SYT1: variants seen among roughly 807,000 people sequenced by gnomAD.
The protein encoded by SYT1 is synaptotagmin-1.
A neutral mutation model predicts 44.8 loss-of-function variants in SYT1; 8 were observed. The observed-to-expected ratio is 0.18, with a 90% CI of 0.10 to 0.32. The LOEUF (loss-of-function observed/expected upper bound fraction) is 0.32. Among genes scored for constraint, SYT1 ranks in the 10% least tolerant of loss-of-function variants. The pLI, the probability that SYT1 is intolerant of heterozygous loss-of-function variation, is 1.00. For missense variants in SYT1, 286 were observed against 509.3 expected (o/e 0.56, Z 4.22); for synonymous variants, 154 against 188.8 (o/e 0.82, Z 1.51).
intron 3 of SYT1, among the ~76,000 whole-genome samples, chr12:79,196,162 T>G (rs1873441527): frequency 1.4e-5 from 1 of 70,206 alleles, no homozygotes; most frequent in Non-Finnish European, 2.9e-5. Context: ...TTGTTGTTGT[T>G]GTTGTTGTTG....
At chr12:79,388,485 A>G (rs747557901) in intron 9 of SYT1, among the ~76,000 whole-genome samples, 6 of 152,106 alleles carry the variant, frequency 3.9e-5, no homozygotes, top group Non-Finnish European at 8.8e-5. Flanking sequence ...ACCTGAGTCC[A>G]GGAGTTCAAG....
chr12:79,037,826 C>G (rs948662842), intron 2 of SYT1, among the ~76,000 whole-genome samples: 3 of 151,710 alleles, frequency 2.0e-5, no homozygotes, highest in Middle Eastern at 3.2e-3. Flanking sequence ...CTTTCACTAC[C>G]TAATACTCTT....
At chr12:79,244,919 A>C (rs926662442) in intron 4 of SYT1, among the ~76,000 whole-genome samples, 4 of 152,102 alleles carry the variant, frequency 2.6e-5, no homozygotes, top group African/African-American at 7.2e-5. Context: ...AAGTTACTCA[A>C]AAACTTCATC....
intron 1 of SYT1, among the ~76,000 whole-genome samples, chr12:78,879,431 G>A (rs1874340733): frequency 6.6e-6 from 1 of 151,636 alleles, no homozygotes; most frequent in Admixed American, 6.6e-5. Context: ...CTACATGGCA[G>A]ATCTATTTAG....
At chr12:78,906,572 G>A (rs1159336875) in intron 1 of SYT1, among the ~76,000 whole-genome samples, 1 of 152,116 alleles carries the variant, frequency 6.6e-6, no homozygotes, top group Non-Finnish European at 1.5e-5. Context: ...AGTTGTCTGT[G>A]GGCCACAAAT....
chr12:79,287,801 G>A (rs1275723910), intron 5 of SYT1, among the ~76,000 whole-genome samples: 3 of 152,030 alleles, frequency 2.0e-5, no homozygotes, highest in Non-Finnish European at 4.4e-5. Flanking sequence ...CAAATATAGA[G>A]AATTAATGGG....
intron 4 of SYT1, among the ~76,000 whole-genome samples, chr12:79,236,792 A>C (rs1370606718): frequency 6.6e-6 from 1 of 152,254 alleles, no homozygotes; most frequent in Non-Finnish European, 1.5e-5. Context: ...TAAGAGAAAT[A>C]GAATATGCAT....
chr12:78,994,288 A>C (rs1057381001), intron 2 of SYT1, among the ~76,000 whole-genome samples: 10 of 152,176 alleles, frequency 6.6e-5, no homozygotes, highest in Admixed American at 2.0e-4. Flanking sequence ...ACCAACCACG[A>C]TAAATAAAAC....
intron 1 of SYT1, among the ~76,000 whole-genome samples, chr12:78,890,200 T>C (rs1874973387): frequency 6.6e-6 from 1 of 151,930 alleles, no homozygotes; most frequent in Non-Finnish European, 1.5e-5. Flanking sequence ...ACTTTTTCTA[T>C]CCAAAAAAGT....
intron 3 of SYT1, among the ~76,000 whole-genome samples, chr12:79,090,337 G>A: frequency 6.6e-6 from 1 of 151,862 alleles, no homozygotes; most frequent in Non-Finnish European, 1.5e-5. Flanking sequence ...TTTTTCTCCA[G>A]TCCCACTTAA....
chr12:79,403,204 G>C (rs1885129906), intron 9 of SYT1, among the ~76,000 whole-genome samples: 1 of 152,158 alleles, frequency 6.6e-6, no homozygotes, highest in Non-Finnish European at 1.5e-5. Context: ...ATGGGAATAA[G>C]ACCTTCTATT....
At chr12:79,094,490 A>G (rs1877990618) in intron 3 of SYT1, among the ~76,000 whole-genome samples, 1 of 151,910 alleles carries the variant, frequency 6.6e-6, no homozygotes, top group African/African-American at 2.4e-5. Flanking sequence ...GCACACATGT[A>G]TAAACATATA....
chr12:79,112,780 T>A (rs1439179447), intron 3 of SYT1, among the ~76,000 whole-genome samples: 2 of 152,108 alleles, frequency 1.3e-5, no homozygotes, highest in African/African-American at 4.8e-5. Flanking sequence ...AGATTGCAAC[T>A]CAGTATGGTT....
chr12:79,324,708 C>A (rs1235214120), intron 8 of SYT1, among the ~76,000 whole-genome samples: 1 of 151,942 alleles, frequency 6.6e-6, no homozygotes, highest in African/African-American at 2.4e-5. Context: ...ATACAAATAT[C>A]ACTAGGAAAC....
At chr12:79,185,422 A>G (rs1252596314) in intron 3 of SYT1, among the ~76,000 whole-genome samples, 3 of 151,994 alleles carry the variant, frequency 2.0e-5, no homozygotes, top group Admixed American at 1.3e-4. Flanking sequence ...ATTTTACAGA[A>G]CAACTATTCC....
chr12:79,117,290 A>G (rs1228109263), intron 3 of SYT1, among the ~76,000 whole-genome samples: 1 of 151,950 alleles, frequency 6.6e-6, no homozygotes, highest in Non-Finnish European at 1.5e-5. Flanking sequence ...TTCACTTTGC[A>G]TTTCTCTGCT....
intron 9 of SYT1, among the ~76,000 whole-genome samples, chr12:79,365,340 A>G (rs1429264679): frequency 6.6e-6 from 1 of 152,094 alleles, no homozygotes; most frequent in Non-Finnish European, 1.5e-5. Context: ...CGAATGTATC[A>G]TGGTATATTT....
chr12:79,178,150 A>G (rs1242126988), intron 3 of SYT1, among the ~76,000 whole-genome samples: 1 of 152,132 alleles, frequency 6.6e-6, no homozygotes. Flanking sequence ...CCTTCTACCC[A>G]GTGTTTTTAG....
intron 9 of SYT1, among the ~76,000 whole-genome samples, chr12:79,407,113 C>T (rs1250140782): frequency 6.6e-6 from 1 of 151,894 alleles, no homozygotes; most frequent in Non-Finnish European, 1.5e-5. Context: ...TAGCACAGGC[C>T]CTGACAAATA....
Sources: allele counts gnomAD v4.1 joint callset (sites outside exome capture counted in the v4.1 genomes callset), GRCh38; gene constraint gnomAD v4.1.1; transcripts MANE v1.5; gene names NCBI Gene and HGNC (gene_info 2026-07-23, HGNC 2026-07-21).